SLC14A2: variants seen among roughly 807,000 people sequenced by gnomAD.
SLC14A2 encodes the protein solute carrier family 14 member 2.
Under a neutral mutation model 104.6 loss-of-function variants are expected in SLC14A2, and 91 were observed. That is an observed-to-expected ratio of 0.87 (90% CI 0.73 to 1.04). The LOEUF (loss-of-function observed/expected upper bound fraction) is 1.04, where lower values mean the gene tolerates loss of function less well. SLC14A2 is among the 50% of genes least tolerant of loss of function. The pLI is 0.00. For missense variants in SLC14A2, 1,189 were observed against 1,156.0 expected (o/e 1.03, Z -0.41); for synonymous variants, 476 against 466.4 (o/e 1.02, Z -0.27).
At chr18:45,249,594 A>G (rs2084401896) in intron 1 of SLC14A2, among the ~76,000 whole-genome samples, 1 of 152,190 alleles carries the variant, frequency 6.6e-6, no homozygotes, top group African/African-American at 2.4e-5. Context: ...TCTGATGAAT[A>G]GTCTCTCTCC....
intron 2 of SLC14A2, among the ~76,000 whole-genome samples, chr18:45,546,831 A>G (rs557322133): frequency 2.6e-5 from 4 of 152,322 alleles, no homozygotes; most frequent in African/African-American, 9.6e-5. Flanking sequence ...TAAGTTCTCA[A>G]TGGGAGCTAT....
chr18:45,522,928 C>T (rs2043536412), intron 2 of SLC14A2, among the ~76,000 whole-genome samples: 1 of 152,142 alleles, frequency 6.6e-6, no homozygotes, highest in South Asian at 2.1e-4. Flanking sequence ...GCCAGGGGTT[C>T]CCATTTCTGC....
intron 1 of SLC14A2, among the ~76,000 whole-genome samples, chr18:45,392,664 A>G (rs1401280336): frequency 6.6e-6 from 1 of 152,244 alleles, no homozygotes; most frequent in Non-Finnish European, 1.5e-5. Flanking sequence ...ACCTATATTT[A>G]GTGCAAAAAT....
intron 15 of SLC14A2, among the ~76,000 whole-genome samples, 174 bp downstream of exon 15, chr18:45,668,651 G>A (rs2046075580): frequency 6.6e-6 from 1 of 152,190 alleles, no homozygotes; most frequent in African/African-American, 2.4e-5. Context: ...CCCATGCTAG[G>A]TCTATACACA....
chr18:45,511,728 A>G (rs2043368204), intron 2 of SLC14A2, among the ~76,000 whole-genome samples: 1 of 152,222 alleles, frequency 6.6e-6, no homozygotes, highest in African/African-American at 2.4e-5. Context: ...AACTAACCCA[A>G]GTGTCCCAAT....
At chr18:45,604,023 GT>G (rs2044828335) in intron 2 of SLC14A2, among the ~76,000 whole-genome samples, 1 of 152,150 alleles carries the variant, frequency 6.6e-6, no homozygotes, top group East Asian at 1.9e-4. Flanking sequence ...TTTTCCATTG[GT>G]CAGATTTTCT....
chr18:45,632,437 C>G lies in SLC14A2; in HGVS notation c.609C>G (p.Tyr203Ter), dbSNP rs996807928. Residue 203 changes from tyrosine (Y) to a stop codon, truncating the protein, a stop_gained, in exon 5 of 20, where the codon TAC (tyrosine) becomes TAG (stop). Transcript: ENST00000255226. LOFTEE classifies it high-confidence loss of function. ...TGTTCTCGGAGAAGTTAGACTACTA[C>G]TGGTGGCTTCTGTTTCCTGTGACCT... ...MAVFSEKLDY[Y>*]WWLLFPVTFT... The G allele has an allele frequency of 6.2e-7, 1 of 1,614,026 alleles. No homozygotes were observed. The highest frequency in any genetic ancestry group is 1.3e-5 in the African/African-American group (1 of 74,924).
At chr18:45,541,892 G>T (rs1252688386) in intron 2 of SLC14A2, among the ~76,000 whole-genome samples, 1 of 152,108 alleles carries the variant, frequency 6.6e-6, no homozygotes, top group Non-Finnish European at 1.5e-5. Flanking sequence ...ACAAAACAGG[G>T]TCTTGCACAA....
intron 1 of SLC14A2, among the ~76,000 whole-genome samples, chr18:45,294,439 T>G (rs903713820): frequency 6.6e-6 from 1 of 152,152 alleles, no homozygotes; most frequent in African/African-American, 2.4e-5. Flanking sequence ...CCTGTTCAAC[T>G]GTAAGACATT....
chr18:45,304,935 C>G (rs1167214646), intron 1 of SLC14A2, among the ~76,000 whole-genome samples: 1 of 152,206 alleles, frequency 6.6e-6, no homozygotes, highest in Non-Finnish European at 1.5e-5. Flanking sequence ...TCAAATAATG[C>G]TTTGTTAGAG....
intron 2 of SLC14A2, among the ~76,000 whole-genome samples, chr18:45,522,507 C>G (rs1035383580): frequency 6.6e-6 from 1 of 152,198 alleles, no homozygotes; most frequent in Non-Finnish European, 1.5e-5. Context: ...AGGGCGGGAG[C>G]AATCCTACAT....
chr18:45,322,973 A>T (rs1229326773), intron 1 of SLC14A2, among the ~76,000 whole-genome samples: 1 of 152,252 alleles, frequency 6.6e-6, no homozygotes, highest in Non-Finnish European at 1.5e-5. Context: ...GACAACAGAG[A>T]TGAATGCAAA....
intron 2 of SLC14A2, among the ~76,000 whole-genome samples, chr18:45,561,207 G>A (rs1599006488): frequency 6.6e-6 from 1 of 152,270 alleles, no homozygotes; most frequent in Middle Eastern, 3.4e-3. Flanking sequence ...CAGCTGTAGG[G>A]AGGACATTCT....
chr18:45,225,839 TG>T (rs991707168), intron 1 of SLC14A2, among the ~76,000 whole-genome samples: 7 of 152,200 alleles, frequency 4.6e-5, no homozygotes, highest in African/African-American at 1.4e-4. Flanking sequence ...ACACTGACTT[TG>T]TATCCTGAGA....
At chr18:45,540,515 G>A (rs921665183) in intron 2 of SLC14A2, among the ~76,000 whole-genome samples, 1 of 152,064 alleles carries the variant, frequency 6.6e-6, no homozygotes, top group African/African-American at 2.4e-5. Flanking sequence ...GGCCAAGACG[G>A]GCAGATTACT....
In SLC14A2 at chr18:45,329,115, G is replaced by A. The variant is rs150874885; in HGVS notation, c.-125+115924G>A. Among the ~76,000 whole-genome samples, 17 of 152,322 alleles carry A rather than the reference G, an allele frequency of 1.1e-4. No homozygotes were observed. In the East Asian group the frequency reaches 3.1e-3, roughly 28 times the overall value. ...AAGTGAGGGGAAAGGGAAAAGAAAT[G>A]TTTTGATGATCTATTTGTTTATTTT... On this transcript the variant is annotated intron_variant, in intron 1 of 20. Transcript: ENST00000586448.
At chr18:45,523,179 T>C (rs2043540403) in intron 2 of SLC14A2, among the ~76,000 whole-genome samples, 1 of 93,398 alleles carries the variant, frequency 1.1e-5, no homozygotes, top group Non-Finnish European at 2.1e-5. Context: ...AGGAGGGAAA[T>C]GCCAAGAAAG....
At chr18:45,275,881 AG>A (rs2084697171) in intron 1 of SLC14A2, among the ~76,000 whole-genome samples, 1 of 152,268 alleles carries the variant, frequency 6.6e-6, no homozygotes, top group Admixed American at 6.5e-5. Context: ...CAAAATATGC[AG>A]GTCATTGAGA....
At chr18:45,349,281 G>A (rs142952651) in intron 1 of SLC14A2, among the ~76,000 whole-genome samples, 69 of 152,298 alleles carry the variant, frequency 4.5e-4, no homozygotes, top group African/African-American at 1.6e-3. Context: ...ACATAATCGG[G>A]AATACATAGA....
Sources: allele counts gnomAD v4.1 joint callset (sites outside exome capture counted in the v4.1 genomes callset), GRCh38; gene constraint gnomAD v4.1.1; transcripts MANE v1.5; gene names NCBI Gene and HGNC (gene_info 2026-07-23, HGNC 2026-07-21).